The following KIRREL1 variants were observed in gnomAD, a reference collection of about 807,000 sequenced individuals.
KIRREL1 encodes kirre like nephrin family adhesion molecule 1, also known as kin of IRRE-like protein 1.
Under a neutral mutation model 83.3 loss-of-function variants are expected in KIRREL1, and 25 were observed. The observed-to-expected ratio is 0.30, with a 90% CI of 0.22 to 0.42. The LOEUF (loss-of-function observed/expected upper bound fraction) is 0.42, where lower values mean the gene tolerates loss of function less well. Ranked by LOEUF, KIRREL1 falls within the 10% of genes least tolerant of loss-of-function variation. The pLI is 1.00. For synonymous variants in KIRREL1, 388 were observed against 410.4 expected, an observed-to-expected ratio of 0.95 and a Z score of 0.66; for missense variants, 812 against 1,032.3, an observed-to-expected ratio of 0.79 and a Z score of 2.92.
chr1:158,010,206 G>A (rs756558510), intron 1 of KIRREL1, among the ~76,000 whole-genome samples: 1 of 151,926 alleles, frequency 6.6e-6, no homozygotes, highest in Non-Finnish European at 1.5e-5. Context: ...ATTTCAGAGG[G>A]CCAGAGCAGG....
intron 1 of KIRREL1, among the ~76,000 whole-genome samples, chr1:158,007,754 T>C (rs1385665202): frequency 6.6e-6 from 1 of 151,852 alleles, no homozygotes; most frequent in Non-Finnish European, 1.5e-5. Context: ...GTAGGACAAC[T>C]ATGGCCCGGA....
rs1662330328 is a variant in KIRREL1, at chr1:158,095,386, G to T, written c.*266G>T. The T allele has an allele frequency of 2.5e-6, 1 of 396,234 alleles. No individual in the cohort carries two copies. The allele number at this position is 396,234 out of a possible 1,614,324, so 24.5% of individuals were successfully genotyped here. On this transcript the variant is annotated 3_prime_UTR_variant, in exon 15 of 15. Transcript: ENST00000359209. ...TGCACTCTTGCCTGACCCTAGAATG[G>T]GGACAGGGAAAGTGAAGGTTAGGGA... is the stretch of plus-strand genomic sequence containing the variant.
chr1:158,016,062 T>C (rs1295689963), intron 1 of KIRREL1, among the ~76,000 whole-genome samples: 2 of 152,098 alleles, frequency 1.3e-5, no homozygotes, highest in East Asian at 3.9e-4. Flanking sequence ...TCCCAGCACT[T>C]TGGGAGGCTG....
chr1:158,051,823 G>T (rs977391326), intron 1 of KIRREL1, among the ~76,000 whole-genome samples: 1 of 152,216 alleles, frequency 6.6e-6, no homozygotes, highest in African/African-American at 2.4e-5. Context: ...TCTTCTCCAG[G>T]ATTCCTGTAA....
At position 158,088,314 on chromosome 1, in the gene KIRREL1, TTCTC is replaced by T; in HGVS notation, c.917-12_917-9del. On this transcript the variant is annotated splice_polypyrimidine_tract_variant and intron_variant, in intron 7 of 14. Coordinates refer to ENST00000359209, the MANE Select transcript of KIRREL1 (RefSeq NM_018240.7). ...CTTGAGACCCTAACGAGTGGCTTCT[TTCTC>T]CCTCACAGTTGCTCCCCGGATTGTA... 6.2e-7 allele frequency: 1 copy of T among 1,606,474 alleles called. No homozygotes were observed. Among genetic ancestry groups the T allele is most frequent in the Non-Finnish European group, 8.5e-7 (1 of 1,176,938 alleles).
At chr1:158,033,941 T>C (rs1048207230) in intron 1 of KIRREL1, among the ~76,000 whole-genome samples, 3 of 151,004 alleles carry the variant, frequency 2.0e-5, no homozygotes, top group Non-Finnish European at 2.9e-5. Context: ...ATTCTGCCAC[T>C]GCACTCCAGC....
chr1:158,081,332 T>C (rs1017159066), intron 3 of KIRREL1, among the ~76,000 whole-genome samples: 4 of 152,236 alleles, frequency 2.6e-5, no homozygotes, highest in Non-Finnish European at 5.9e-5. Flanking sequence ...TAATGAAATA[T>C]ACTTTGTGGT....
chr1:158,093,695 A>T lies in KIRREL1; in HGVS notation c.1652A>T (p.His551Leu). 1.2e-6 allele frequency: 2 copies of T among 1,614,182 alleles called. No homozygotes were observed. Among genetic ancestry groups the T allele is most frequent in the Non-Finnish European group, 1.7e-6 (2 of 1,180,034 alleles). The change falls in exon 13 of 15, where the codon CAT (histidine) becomes CTT (leucine). Residue 551 changes from histidine to leucine, a missense_variant. His to Leu is a moderately conservative substitution (Grantham distance 99). Coordinates refer to ENST00000359209, the MANE Select transcript of KIRREL1 (RefSeq NM_018240.7). ...GTGAACCGAGAGCCACTTACGATGC[A>T]TTCTGACCGGGAGGATGACACCGCC... ...ETVNREPLTM[H>L]SDREDDTASV... is the part of the protein sequence containing the mutation.
chr1:158,093,466 A>C lies in KIRREL1; in HGVS notation c.1579+20A>C. On this transcript the variant is annotated intron_variant, in intron 12 of 14. Coordinates refer to ENST00000359209, the MANE Select transcript of KIRREL1 (RefSeq NM_018240.7). ...AAGGCAGTGAGTATGGGCCCTGTGCAGCCCACAGCCTTCCCCTGGCTCTTC... is the reference window on the plus strand; with the variant it reads ...AAGGCAGTGAGTATGGGCCCTGTGCCGCCCACAGCCTTCCCCTGGCTCTTC... 1 of 1,609,682 alleles carries C rather than the reference A, an allele frequency of 6.2e-7. No homozygotes were observed. Among genetic ancestry groups the C allele is most frequent in the Non-Finnish European group, 8.5e-7 (1 of 1,175,966 alleles).
intron 1 of KIRREL1, among the ~76,000 whole-genome samples, chr1:158,070,371 A>AGAT (rs1661478056): frequency 6.6e-6 from 1 of 152,230 alleles, no homozygotes; most frequent in African/African-American, 2.4e-5. Context: ...TATAAAACAG[A>AGAT]GATAATAATA....
chr1:158,075,516 A>G (rs1661653876), intron 1 of KIRREL1, among the ~76,000 whole-genome samples: 1 of 152,224 alleles, frequency 6.6e-6, no homozygotes, highest in Admixed American at 6.5e-5. Flanking sequence ...TCCACCCAGG[A>G]AGCTTCTATA....
At chr1:157,996,629 C>T (rs553234125) in intron 1 of KIRREL1, among the ~76,000 whole-genome samples, 1 of 152,296 alleles carries the variant, frequency 6.6e-6, no homozygotes, top group African/African-American at 2.4e-5. Context: ...TGGCAGAGAA[C>T]AGCAGGTCTG....
At chr1:158,024,303 G>T in intron 1 of KIRREL1, among the ~76,000 whole-genome samples, 1 of 102,024 alleles carries the variant, frequency 9.8e-6, no homozygotes, top group South Asian at 3.3e-4. Flanking sequence ...TTTTGAGACA[G>T]AGTATTGCTC....
chr1:158,070,272 TC>T (rs1175503604), intron 1 of KIRREL1, among the ~76,000 whole-genome samples: 2 of 152,190 alleles, frequency 1.3e-5, no homozygotes, highest in Admixed American at 6.5e-5. Flanking sequence ...ACCCGGGATA[TC>T]CCTGTAGCAG....
chr1:158,069,436 G>A (rs1459277719), intron 1 of KIRREL1, among the ~76,000 whole-genome samples: 9 of 151,784 alleles, frequency 5.9e-5, no homozygotes. Context: ...TGTCCTCCCG[G>A]TCTTTGCAGG....
At position 158,095,269 on chromosome 1, in the gene KIRREL1, A is replaced by G; in HGVS notation, c.*149A>G. ...GCAGGTGGGGAGCAGGTCTCCCAGAAACACCCCGTCCCGAGGATGGTGCTC... is the reference window on the plus strand; with the variant it reads ...GCAGGTGGGGAGCAGGTCTCCCAGAGACACCCCGTCCCGAGGATGGTGCTC... On this transcript the variant is annotated 3_prime_UTR_variant, in exon 15 of 15. Transcript: ENST00000359209. 1.6e-6 allele frequency: 1 copy of G among 632,894 alleles called. No homozygotes were observed. Among genetic ancestry groups the G allele is most frequent in the Non-Finnish European group, 2.7e-6 (1 of 368,680 alleles). 39.2% of individuals were successfully genotyped at this position (632,894 alleles called of 1,614,324 possible). A position where few individuals can be genotyped will look rare whatever the true frequency, so the allele number is the denominator to read the frequency against.
At chr1:158,002,721 C>T (rs1456584334) in intron 1 of KIRREL1, among the ~76,000 whole-genome samples, 3 of 152,024 alleles carry the variant, frequency 2.0e-5, no homozygotes, top group South Asian at 2.1e-4. Context: ...GAAGCCTAAC[C>T]GTCCAGTGAG....
chr1:158,019,179 T>C (rs1301871529), intron 1 of KIRREL1, among the ~76,000 whole-genome samples: 1 of 151,912 alleles, frequency 6.6e-6, no homozygotes, highest in Non-Finnish European at 1.5e-5. Flanking sequence ...ATTGTCATGA[T>C]GAACATGTGG....
At chr1:158,087,884 C>A in intron 6 of KIRREL1, 24 bp downstream of exon 6, 1 of 1,607,234 alleles carries the variant, frequency 6.2e-7, no homozygotes. Context: ...AGGCTGGGAG[C>A]GCTCTGGGGA....
Sources: gnomAD v4.1 joint callset for allele counts (sites outside exome capture counted in the v4.1 genomes callset) on GRCh38, gnomAD v4.1.1 for gene constraint, MANE v1.5 for transcripts, NCBI Gene and HGNC (gene_info 2026-07-23, HGNC 2026-07-21) for gene names.